The following PLA2G6 variants were observed in gnomAD, a reference collection of about 807,000 sequenced individuals.
The protein encoded by PLA2G6 is phospholipase A2 group VI.
A neutral mutation model predicts 83.8 loss-of-function variants in PLA2G6; 62 were observed. The ratio of observed to expected loss-of-function variants is 0.74; its 90% CI spans 0.60 to 0.91. The LOEUF (loss-of-function observed/expected upper bound fraction) is 0.91, where lower values mean the gene tolerates loss of function less well. Among genes scored for constraint, PLA2G6 ranks in the 40% least tolerant of loss-of-function variants. PLA2G6 has a pLI of 0.00. For synonymous variants in PLA2G6, 417 were observed against 449.8 expected (o/e 0.93, Z 0.92); for missense variants, 944 against 1,102.0 (o/e 0.86, Z 2.03).
In PLA2G6 at chr22:38,134,970, A is replaced by T; in HGVS notation, c.894+18T>A. ...GCCCGGCCCCCTGCCCCACCCACCCACCTCAGGATCCACTCACCTCTGCGT... is the reference window on the plus strand; with the variant it reads ...GCCCGGCCCCCTGCCCCACCCACCCTCCTCAGGATCCACTCACCTCTGCGT... On this transcript the variant is annotated intron_variant, in intron 6 of 16. Transcript: ENST00000332509. 1.7e-6 allele frequency: 1 copy of T among 590,620 alleles called. No homozygotes were observed. Among genetic ancestry groups the T allele is most frequent in the Non-Finnish European group, 3.1e-6 (1 of 320,312 alleles). The allele number at this position is 590,620 out of a possible 1,614,324, so 36.6% of individuals were successfully genotyped here.
intron 2 of PLA2G6, among the ~76,000 whole-genome samples, chr22:38,155,462 C>A (rs539844147): frequency 6.6e-6 from 1 of 151,962 alleles, no homozygotes; most frequent in Non-Finnish European, 1.5e-5. Context: ...AAAAGAGGAA[C>A]CAATCAAAAA....
At chr22:38,164,011 G>A (rs1041064644) in intron 2 of PLA2G6, among the ~76,000 whole-genome samples, 9 of 152,120 alleles carry the variant, frequency 5.9e-5, no homozygotes, top group African/African-American at 1.9e-4. Context: ...CAGGATGCCT[G>A]GGAGGTACAG....
intron 1 of PLA2G6, among the ~76,000 whole-genome samples, chr22:38,176,906 C>A (rs1225293396): frequency 2.0e-5 from 3 of 151,916 alleles, no homozygotes; most frequent in African/African-American, 7.3e-5. Flanking sequence ...ATTAGCCTGG[C>A]GTGATGGTGG....
intron 12 of PLA2G6, 62 bp from the exon 13 acceptor site, chr22:38,116,273 C>T (rs1229369598): frequency 1.9e-6 from 3 of 1,576,928 alleles, no homozygotes; most frequent in African/African-American, 2.7e-5. Context: ...TCCCTTTCCC[C>T]ACAATTCACA....
chr22:38,165,666 G>A (rs2090185529), intron 2 of PLA2G6, among the ~76,000 whole-genome samples: 3 of 152,184 alleles, frequency 2.0e-5, no homozygotes, highest in South Asian at 4.1e-4. Flanking sequence ...AAGGTCAGGA[G>A]ATCGAGACCA....
intron 12 of PLA2G6, among the ~76,000 whole-genome samples, chr22:38,120,342 C>T (rs1380898101): frequency 6.6e-6 from 1 of 152,242 alleles, no homozygotes; most frequent in Non-Finnish European, 1.5e-5. Context: ...AATGTTTAGC[C>T]GTGTCATTTG....
intron 5 of PLA2G6, chr22:38,139,447 A>ATTTATTTATTTT (rs1462918288): frequency 6.7e-6 from 1 of 149,114 alleles, no homozygotes; most frequent in Non-Finnish European, 1.5e-5. Context: ...TTATTTATTT[A>ATTTATTTATTTT]TTTTTTGAGA....
At chr22:38,120,619 C>G (rs1457914933) in intron 12 of PLA2G6, 140 bp downstream of exon 12, 1 of 1,052,444 alleles carries the variant, frequency 9.5e-7, no homozygotes, top group African/African-American at 1.6e-5. Flanking sequence ...CTCTGCCTCC[C>G]TGGGAAGGGG....
At chr22:38,155,764 G>C (rs1209960558) in intron 2 of PLA2G6, among the ~76,000 whole-genome samples, 1 of 152,134 alleles carries the variant, frequency 6.6e-6, no homozygotes, top group Non-Finnish European at 1.5e-5. Context: ...AGGAAGGAAA[G>C]AAAGAAGATC....
chr22:38,153,591 G>C (rs568513235), intron 2 of PLA2G6, among the ~76,000 whole-genome samples: 5 of 150,324 alleles, frequency 3.3e-5, no homozygotes, highest in Non-Finnish European at 7.4e-5. Context: ...AGCCGAGATC[G>C]CGCCACTGCA....
intron 2 of PLA2G6, among the ~76,000 whole-genome samples, chr22:38,163,048 G>A (rs1385490835): frequency 2.0e-5 from 3 of 152,106 alleles, no homozygotes; most frequent in African/African-American, 4.8e-5. Context: ...AAGCCTCAGG[G>A]GACCTGCAAA....
chr22:38,129,397 G>A (rs1223960288), intron 8 of PLA2G6, 57 bp downstream of exon 8: 3 of 1,219,182 alleles, frequency 2.5e-6, no homozygotes, highest in Non-Finnish European at 3.7e-6. Context: ...CTCCTCCTCG[G>A]TCCCTGTATC....
Position 38,140,476 on chromosome 22 carries a change from C to G in PLA2G6, c.610-307G>C, listed in dbSNP as rs11570659. 0.022 allele frequency: 8,082 copies of G among 360,758 alleles called. 593 individuals carry two copies. The highest frequency in any genetic ancestry group is 0.16 in the African/African-American group (7,405 of 47,474). 22.3% of individuals were successfully genotyped at this position (360,758 alleles called of 1,614,324 possible). On this transcript the variant is annotated intron_variant, in intron 4 of 16. Coordinates refer to ENST00000332509, the MANE Select transcript of PLA2G6 (RefSeq NM_003560.4). ...TGAGCTGAGATTGCATCATTGCACTCTAGCCTGGGCAATAGAGCAAAAACT... is the reference window on the plus strand; with the variant it reads ...TGAGCTGAGATTGCATCATTGCACTGTAGCCTGGGCAATAGAGCAAAAACT...
intron 10 of PLA2G6, 153 bp downstream of exon 10, chr22:38,126,218 C>T (rs757108523): frequency 1.4e-6 from 1 of 714,212 alleles, no homozygotes; most frequent in Non-Finnish European, 2.6e-6. Context: ...TCTCCATGTT[C>T]TGTCTCTGCT....
At position 38,112,080 on chromosome 22, in the gene PLA2G6, C is replaced by G; in HGVS notation, c.*81G>C. ...CAGAGGTGCCTGGGCCCAGATCTGC[C>G]CGGGAGGGCAGTGGCTGGGCTTGGC... On this transcript the variant is annotated 3_prime_UTR_variant, in exon 17 of 17. Coordinates refer to ENST00000332509, the MANE Select transcript of PLA2G6 (RefSeq NM_003560.4). The G allele has an allele frequency of 1.3e-6, 2 of 1,501,894 alleles. No individual in the cohort carries two copies. The highest frequency in any genetic ancestry group is 1.8e-6 in the Non-Finnish European group (2 of 1,104,366). The allele number at this position is 1,501,894 out of a possible 1,614,324, so 93.0% of individuals were successfully genotyped here. A position where few individuals can be genotyped will look rare whatever the true frequency, so the allele number is the denominator to read the frequency against.
At position 38,120,885 on chromosome 22, in the gene PLA2G6, C is replaced by A; in HGVS notation, c.1616G>T (p.Gly539Val). ...LHSKSMAYMRGMYFRMKDEVF... is the reference protein window; with the variant it reads ...LHSKSMAYMRVMYFRMKDEVF... ...CTCATCCTTCATGCGAAAGTACATG[C>A]CGCGCATGTAGGCCATGGACTTACC... The change falls in exon 12 of 17, where the codon GGC (glycine) becomes GTC (valine). Residue 539 changes from glycine (G) to valine (V), a missense_variant. By Grantham distance (109) the Gly-to-Val change is moderately radical (BLOSUM62 -3). Coordinates refer to ENST00000332509, the MANE Select transcript of PLA2G6 (RefSeq NM_003560.4). 8 of 1,613,744 alleles carry A rather than the reference C, an allele frequency of 5.0e-6. No individual in the cohort carries two copies. Among genetic ancestry groups the A allele is most frequent in the Non-Finnish European group, 5.9e-6 (7 of 1,180,034 alleles).
intron 4 of PLA2G6, chr22:38,142,114 C>G (rs3827355): frequency 0.58 from 85,022 of 146,584 alleles, 24,672 homozygotes; most frequent in South Asian, 0.67. Context: ...AGCATCACTT[C>G]AACCCAGGAG....
intron 2 of PLA2G6, among the ~76,000 whole-genome samples, chr22:38,160,615 G>C (rs1239559349): frequency 1.3e-5 from 2 of 152,220 alleles, no homozygotes; most frequent in East Asian, 3.8e-4. Context: ...GGGAGGCTGA[G>C]GCAGGTGGAT....
intron 6 of PLA2G6, chr22:38,134,600 CTA>C: frequency 2.0e-5 from 4 of 195,564 alleles, no homozygotes; most frequent in Non-Finnish European, 4.3e-5. Flanking sequence ...CCCTCTCTCT[CTA>C]TATATATATC....
Sources: gnomAD v4.1 joint callset for allele counts (sites outside exome capture counted in the v4.1 genomes callset) on GRCh38, gnomAD v4.1.1 for gene constraint, MANE v1.5 for transcripts, NCBI Gene and HGNC (gene_info 2026-07-23, HGNC 2026-07-21) for gene names.